The following RUNX2 variants were observed in gnomAD, a reference collection of about 807,000 sequenced individuals.
RUNX2 encodes the protein runt-related transcription factor 2.
A neutral mutation model predicts 51.7 loss-of-function variants in RUNX2; 10 were observed. That is an observed-to-expected ratio of 0.19 (90% CI 0.12 to 0.33). The LOEUF is 0.33. RUNX2 is among the 10% of genes least tolerant of loss of function. The probability of loss-of-function intolerance (pLI) is 1.00; values close to 1 mark genes in which losing one functional copy is unlikely to be tolerated. For synonymous variants in RUNX2, 276 were observed against 273.6 expected (o/e 1.01, Z -0.09); for missense variants, 562 against 691.3 (o/e 0.81, Z 2.10).
At chr6:45,424,025 A>G (rs3805812) in intron 3 of RUNX2, among the ~76,000 whole-genome samples, 3,103 of 152,376 alleles carry the variant, frequency 0.02, 75 homozygotes, top group East Asian at 0.1. Context: ...AATCTAAAAA[A>G]GATCCCTCCT....
intron 5 of RUNX2, among the ~76,000 whole-genome samples, chr6:45,486,097 A>G (rs903913250): frequency 6.6e-6 from 1 of 152,032 alleles, no homozygotes; most frequent in African/African-American, 2.4e-5. Flanking sequence ...ACCCCTAACT[A>G]TATGTTAGCC....
chr6:45,533,655 A>G (rs1459751964), intron 7 of RUNX2, among the ~76,000 whole-genome samples: 2 of 152,198 alleles, frequency 1.3e-5, no homozygotes, highest in African/African-American at 4.8e-5. Context: ...TTGTCTCAGG[A>G]TAGCAGGAAG....
chr6:45,384,309 A>G (rs1183535908), intron 2 of RUNX2, among the ~76,000 whole-genome samples: 1 of 152,104 alleles, frequency 6.6e-6, no homozygotes, highest in East Asian at 1.9e-4. Context: ...TTTTTTAGAC[A>G]GAGTTTCACT....
At chr6:45,535,760 TA>T (rs1271797150) in intron 7 of RUNX2, among the ~76,000 whole-genome samples, 1 of 151,978 alleles carries the variant, frequency 6.6e-6, no homozygotes, top group Non-Finnish European at 1.5e-5. Flanking sequence ...CTTAGAATTT[TA>T]AGGAGCTGAG....
chr6:45,342,094 A>G (rs1367983708), intron 2 of RUNX2, among the ~76,000 whole-genome samples: 2 of 152,184 alleles, frequency 1.3e-5, no homozygotes, highest in Non-Finnish European at 2.9e-5. Flanking sequence ...GTTATGGAAG[A>G]GGCAAAGAAT....
chr6:45,541,324 G>A (rs1268337736), intron 7 of RUNX2, among the ~76,000 whole-genome samples: 1 of 152,152 alleles, frequency 6.6e-6, no homozygotes, highest in African/African-American at 2.4e-5. Flanking sequence ...GGGTCCAAAA[G>A]AGTGATATAG....
Position 45,439,483 on chromosome 6 carries a change from T to C in RUNX2, c.685+1432T>C, listed in dbSNP as rs79573669. ...ATGCCTTATGATGGAAGATGTCTTC[T>C]AACTTTTGGTCAGACTAGCCCCGGA... On this transcript the variant is annotated intron_variant, in intron 5 of 8. Coordinates refer to ENST00000647337, the MANE Select transcript of RUNX2 (RefSeq NM_001024630.4). Among the ~76,000 whole-genome samples the C allele has an allele frequency of 1.5e-3, 224 of 152,334 alleles. 3 individuals are homozygous for C. The East Asian group carries it at 0.041, about 28-fold the overall frequency.
intron 5 of RUNX2, among the ~76,000 whole-genome samples, chr6:45,476,339 GAGGAAGGACCTTGCTCAGAAGAT>G (rs1799955523): frequency 6.6e-6 from 1 of 151,010 alleles, no homozygotes; most frequent in African/African-American, 2.4e-5. Flanking sequence ...AGCCTTTGGG[GAGGAAGGACCTTGCTCAGAAGAT>G]AGGCTGGGGA....
intron 7 of RUNX2, among the ~76,000 whole-genome samples, chr6:45,523,211 A>T (rs1023401280): frequency 2.0e-5 from 3 of 152,186 alleles, no homozygotes; most frequent in Non-Finnish European, 2.9e-5. Flanking sequence ...CTCAGGAAAC[A>T]TTAACTGATC....
intron 5 of RUNX2, among the ~76,000 whole-genome samples, chr6:45,450,945 C>G (rs1028802973): frequency 1.3e-5 from 2 of 152,170 alleles, no homozygotes; most frequent in Non-Finnish European, 2.9e-5. Flanking sequence ...TCTTCATGTT[C>G]ATCCCTCCTG....
chr6:45,541,229 C>G (rs1350638244), intron 7 of RUNX2, among the ~76,000 whole-genome samples: 1 of 151,986 alleles, frequency 6.6e-6, no homozygotes, highest in African/African-American at 2.4e-5. Context: ...GAGAGGAAAA[C>G]ATATTCTTTA....
At chr6:45,481,270 C>T (rs960289195) in intron 5 of RUNX2, among the ~76,000 whole-genome samples, 1 of 152,156 alleles carries the variant, frequency 6.6e-6, no homozygotes, top group Non-Finnish European at 1.5e-5. Context: ...AAGAATAATG[C>T]CATCCATGTT....
At chr6:45,468,108 C>T (rs1043828840) in intron 5 of RUNX2, among the ~76,000 whole-genome samples, 11 of 152,206 alleles carry the variant, frequency 7.2e-5, no homozygotes, top group African/African-American at 2.2e-4. Context: ...TAACTTAGCC[C>T]AGTCTTATCA....
chr6:45,392,324 T>C lies in RUNX2; in HGVS notation c.59-30269T>C, dbSNP rs558529876. On this transcript the variant is annotated intron_variant, in intron 2 of 8. Coordinates refer to ENST00000647337, the MANE Select transcript of RUNX2 (RefSeq NM_001024630.4). ...GTTTGAGACCAGCCTGGGCAACATTTTGTGAGACTCTGTCTCTACAAAAAA... is the reference window on the plus strand; with the variant it reads ...GTTTGAGACCAGCCTGGGCAACATTCTGTGAGACTCTGTCTCTACAAAAAA... 1.8e-4 allele frequency among the ~76,000 whole-genome samples: 27 copies of C among 152,182 alleles called. 1 individual carries two copies. Among genetic ancestry groups the C allele is most frequent in the African/African-American group, 5.3e-4 (22 of 41,528 alleles).
intron 2 of RUNX2, among the ~76,000 whole-genome samples, chr6:45,342,235 A>C (rs929655450): frequency 3.3e-5 from 5 of 152,108 alleles, no homozygotes; most frequent in African/African-American, 1.2e-4. Context: ...AGTGAAAAAA[A>C]AATAGAATAC....
intron 5 of RUNX2, among the ~76,000 whole-genome samples, chr6:45,475,351 C>T (rs1195658433): frequency 6.6e-6 from 1 of 152,046 alleles, no homozygotes; most frequent in East Asian, 1.9e-4. Flanking sequence ...AGAAATTAGA[C>T]TTATTGGCAG....
chr6:45,344,524 C>T (rs765592183), intron 2 of RUNX2, among the ~76,000 whole-genome samples: 2 of 151,838 alleles, frequency 1.3e-5, no homozygotes, highest in East Asian at 1.9e-4. Flanking sequence ...TTCCTTTGAA[C>T]GTCTAGAACA....
intron 5 of RUNX2, among the ~76,000 whole-genome samples, chr6:45,465,048 A>C (rs1250910483): frequency 2.6e-5 from 4 of 152,206 alleles, no homozygotes; most frequent in Non-Finnish European, 5.9e-5. Flanking sequence ...AAGCTGGGGA[A>C]ATACTTTAGA....
chr6:45,489,716 G>T (rs189184585), intron 5 of RUNX2, among the ~76,000 whole-genome samples: 1 of 152,340 alleles, frequency 6.6e-6, no homozygotes, highest in East Asian at 1.9e-4. Flanking sequence ...GTCTGTGTGT[G>T]AGTGTGAGGA....
Sources: gnomAD v4.1 joint callset for allele counts (sites outside exome capture counted in the v4.1 genomes callset) on GRCh38, gnomAD v4.1.1 for gene constraint, MANE v1.5 for transcripts, NCBI Gene and HGNC (gene_info 2026-07-23, HGNC 2026-07-21) for gene names.